The following SEM1 variants were observed in gnomAD, a reference collection of about 807,000 sequenced individuals.
SEM1 encodes the protein 26S proteasome complex subunit SEM1.
In SEM1, 3 loss-of-function variants were observed where a neutral mutation model predicts 12.7. The ratio of observed to expected loss-of-function variants is 0.24; its 90% CI spans 0.11 to 0.61. SEM1 has a LOEUF of 0.61. Among genes scored for constraint, SEM1 ranks in the 20% least tolerant of loss-of-function variants. The pLI, the probability that SEM1 is intolerant of heterozygous loss-of-function variation, is 0.88. For synonymous variants in SEM1, 30 were observed against 27.8 expected (o/e 1.08, Z -0.25); for missense variants, 59 against 81.3 (o/e 0.73, Z 1.06).
intron 2 of SEM1, among the ~76,000 whole-genome samples, chr7:96,667,279 G>A (rs537513509): frequency 2.0e-5 from 3 of 152,242 alleles, no homozygotes; most frequent in South Asian, 2.1e-4. Flanking sequence ...AGCCTTTGGC[G>A]GCCGGTTTCA....
chr7:96,496,209 C>A, intron 1 of SEM1: 2 of 883,164 alleles, frequency 2.3e-6, no homozygotes, highest in South Asian at 1.6e-5. Flanking sequence ...ATAGTACACT[C>A]AAGGTATACT....
intron 2 of SEM1, among the ~76,000 whole-genome samples, chr7:96,635,147 A>T (rs1271259866): frequency 6.6e-6 from 1 of 152,108 alleles, no homozygotes; most frequent in Non-Finnish European, 1.5e-5. Flanking sequence ...TTGAATTGGG[A>T]CACTGAAGAA....
In SEM1 at chr7:96,698,196, A is replaced by T. The variant is rs1027881697; in HGVS notation, c.77-3305T>A. Among the ~76,000 whole-genome samples the T allele has an allele frequency of 4.6e-5, 7 of 151,122 alleles. No homozygotes were observed. The East Asian group carries it at 5.8e-4, about 12-fold the overall frequency. On this transcript the variant is annotated intron_variant, in intron 1 of 2. Transcript: ENST00000248566. ...AACCCAATTATTTTCATCAACAATT[A>T]AAAAAAATATAAGTCTGGCAGAATG...
intron 2 of SEM1, among the ~76,000 whole-genome samples, chr7:96,557,154 G>C (rs1489440054): frequency 6.6e-6 from 1 of 150,942 alleles, no homozygotes; most frequent in Non-Finnish European, 1.5e-5. Flanking sequence ...CCGTAGCTCA[G>C]AGTAATTTGA....
intron 2 of SEM1, among the ~76,000 whole-genome samples, chr7:96,569,882 C>T (rs1036772903): frequency 9.9e-5 from 15 of 151,920 alleles, no homozygotes; most frequent in African/African-American, 2.4e-4. Flanking sequence ...TTTTATGGCT[C>T]GGTAGTGTTT....
intron 2 of SEM1, among the ~76,000 whole-genome samples, chr7:96,679,458 C>T (rs958046366): frequency 6.6e-6 from 1 of 151,878 alleles, no homozygotes; most frequent in Non-Finnish European, 1.5e-5. Flanking sequence ...TAGACAAAAG[C>T]ACATCATTTA....
At chr7:96,673,084 T>G (rs1026855671), downstream of SEM1, 1 of 152,012 alleles carries the variant, frequency 6.6e-6, no homozygotes, top group Non-Finnish European at 1.5e-5. Flanking sequence ...AACATGGAAG[T>G]CATTTCTTCT....
intron 2 of SEM1, among the ~76,000 whole-genome samples, chr7:96,544,561 G>T (rs1055094950): frequency 2.6e-5 from 4 of 151,780 alleles, no homozygotes; most frequent in African/African-American, 9.7e-5. Flanking sequence ...CTGAATATTA[G>T]CATACAATTG....
At chr7:96,596,814 AT>A (rs1453188773) in intron 2 of SEM1, among the ~76,000 whole-genome samples, 2 of 152,156 alleles carry the variant, frequency 1.3e-5, no homozygotes, top group Non-Finnish European at 2.9e-5. Context: ...CAAAGGCAAC[AT>A]TTTTTAGCCA....
At chr7:96,510,134 G>A (rs550442503) in intron 2 of SEM1, among the ~76,000 whole-genome samples, 35 of 151,932 alleles carry the variant, frequency 2.3e-4, no homozygotes, top group East Asian at 7.7e-4. Flanking sequence ...TATTGTATAC[G>A]CCCTTGGGTT....
intron 1 of SEM1, chr7:96,706,467 CAGG>C (rs1218470900): frequency 1.3e-5 from 2 of 150,196 alleles, no homozygotes; most frequent in Non-Finnish European, 2.9e-5. Context: ...GAGGCTGAGG[CAGG>C]AGAATCGCTT....
chr7:96,589,737 G>T (rs947035562), intron 2 of SEM1, among the ~76,000 whole-genome samples: 3 of 152,138 alleles, frequency 2.0e-5, no homozygotes, highest in African/African-American at 7.2e-5. Context: ...ATTACCTGAG[G>T]TATTTGTTTC....
chr7:96,624,117 T>C (rs910681659), intron 2 of SEM1, among the ~76,000 whole-genome samples: 1 of 152,132 alleles, frequency 6.6e-6, no homozygotes, highest in Non-Finnish European at 1.5e-5. Flanking sequence ...AAGGTAATAT[T>C]GATAGGTTCT....
intron 2 of SEM1, among the ~76,000 whole-genome samples, chr7:96,571,311 T>A (rs1305595041): frequency 6.6e-6 from 1 of 152,112 alleles, no homozygotes; most frequent in East Asian, 1.9e-4. Flanking sequence ...TGCCTAGGTT[T>A]TCTTCTAGGG....
At chr7:96,506,275 A>C (rs542618259) in intron 3 of SEM1, among the ~76,000 whole-genome samples, 1 of 152,168 alleles carries the variant, frequency 6.6e-6, no homozygotes, top group East Asian at 1.9e-4. Context: ...ATATGGACAC[A>C]TTAATCTTAC....
At chr7:96,609,462 T>G (rs1807479417) in intron 2 of SEM1, among the ~76,000 whole-genome samples, 1 of 152,186 alleles carries the variant, frequency 6.6e-6, no homozygotes, top group Non-Finnish European at 1.5e-5. Context: ...AAAATGTATA[T>G]GTGAGGTAGA....
At chr7:96,709,270 C>G (rs1483760833) in intron 1 of SEM1, among the ~76,000 whole-genome samples, 2 of 152,196 alleles carry the variant, frequency 1.3e-5, no homozygotes, top group Non-Finnish European at 2.9e-5. Flanking sequence ...AAAAGTTAAG[C>G]AGCATTGGCG....
chr7:96,564,915 T>G (rs1477716933), intron 2 of SEM1, among the ~76,000 whole-genome samples: 2 of 152,086 alleles, frequency 1.3e-5, no homozygotes, highest in Non-Finnish European at 2.9e-5. Flanking sequence ...ATTTAAACTT[T>G]AAATGTAATT....
intron 2 of SEM1, chr7:96,664,461 G>A (rs1789112153): frequency 6.6e-6 from 1 of 152,216 alleles, no homozygotes; most frequent in Non-Finnish European, 1.5e-5. Flanking sequence ...AGCAAGGACA[G>A]GTTGAGAAGT....
Sources: gnomAD v4.1 joint callset for allele counts (sites outside exome capture counted in the v4.1 genomes callset) on GRCh38, gnomAD v4.1.1 for gene constraint, MANE v1.5 for transcripts, NCBI Gene and HGNC (gene_info 2026-07-23, HGNC 2026-07-21) for gene names.